ZNF44: variants seen among roughly 807,000 people sequenced by gnomAD.
ZNF44 encodes the protein gonadotropin inducible transcription repressor-2.
A neutral mutation model predicts 11.7 loss-of-function variants in ZNF44; 9 were observed. The observed-to-expected ratio is 0.77, with a 90% CI of 0.46 to 1.35. The LOEUF (loss-of-function observed/expected upper bound fraction) is 1.35, where lower values mean the gene tolerates loss of function less well. Ranked by LOEUF, ZNF44 falls within the 40% of genes most tolerant of loss-of-function variation. ZNF44 has a pLI of 0.00. For missense variants in ZNF44, 696 were observed against 743.1 expected (o/e 0.94, Z 0.74); for synonymous variants, 224 against 242.7 (o/e 0.92, Z 0.72).
At position 12,272,342 on chromosome 19, in the gene ZNF44, G is replaced by A; in HGVS notation, c.*65C>T. On this transcript the variant is annotated 3_prime_UTR_variant, in exon 4 of 4. Coordinates refer to ENST00000355684, the MANE Select transcript of ZNF44 (RefSeq NM_016264.4). ...GGCTTTACCACGTTTACATTCACAGGATTTATTTCTTTCAAGTATCTGAAT... is the reference window on the plus strand; with the variant it reads ...GGCTTTACCACGTTTACATTCACAGAATTTATTTCTTTCAAGTATCTGAAT... 6.9e-7 allele frequency: 1 copy of A among 1,447,272 alleles called. No homozygotes were observed. The highest frequency in any genetic ancestry group is 1.6e-5 in the South Asian group (1 of 63,728). 89.7% of individuals were successfully genotyped at this position (1,447,272 alleles called of 1,614,324 possible).
downstream of ZNF44, among the ~76,000 whole-genome samples, chr19:12,269,817 T>TATA (rs1302314180): frequency 5.3e-5 from 8 of 152,162 alleles, no homozygotes; most frequent in Admixed American, 1.3e-4. Flanking sequence ...CCACCAAAGT[T>TATA]GTATATATAT....
chr19:12,273,073 T>C lies in ZNF44; in HGVS notation c.1182A>G (p.Lys394=). ...CAAAGGCTTTCCCACATACTGTGCATTTATGAGGGCCATCTCCAGTGTGTG... is the reference window on the plus strand; with the variant it reads ...CAAAGGCTTTCCCACATACTGTGCACTTATGAGGGCCATCTCCAGTGTGTG... ...MMAHTGDGPH[K]CTVCGKAFDS... Residue 394 remains lysine (K), a synonymous_variant, in exon 4 of 4, where the codon AAA becomes AAG. Transcript: ENST00000355684. 1 of 1,613,976 alleles carries C rather than the reference T, an allele frequency of 6.2e-7. No homozygotes were observed. Among genetic ancestry groups the C allele is most frequent in the Non-Finnish European group, 8.5e-7 (1 of 1,179,940 alleles).
At position 12,249,507 on chromosome 19, in the gene ZNF44, GA is replaced by G. The variant is rs958860050; in HGVS notation, c.*186+470del. On this transcript the variant is annotated intron_variant and NMD_transcript_variant, in intron 7 of 7. Transcript: ENST00000393337. ...GGCGACAGAGCAAGACTCCGTCTCA[GA>G]AAAAAAAAAAAAAAAAAGAAAAGAA... is the stretch of plus-strand genomic sequence containing the variant. Among the ~76,000 whole-genome samples the G allele has an allele frequency of 3.3e-3, 201 of 60,748 alleles. 1 individual carries two copies. Among genetic ancestry groups the G allele is most frequent in the Middle Eastern group, 0.011 (1 of 88 alleles). The allele number at this position is 60,748 out of a possible 152,430, so 39.9% of individuals were successfully genotyped here. A position where few individuals can be genotyped will look rare whatever the true frequency, so the allele number is the denominator to read the frequency against.
intron 1 of ZNF44, 22 bp downstream of exon 1, chr19:12,294,670 A>G: frequency 7.1e-6 from 11 of 1,558,198 alleles, no homozygotes; most frequent in Non-Finnish European, 9.5e-6. Context: ...CTGCCTCAGG[A>G]CGCCGGGCCC....
chr19:12,248,351 G>C (rs1470488827), exon 8 of ZNF44: 3 of 1,292,454 alleles, frequency 2.3e-6, no homozygotes, highest in Non-Finnish European at 3.0e-6. Context: ...CTTTCCCACA[G>C]GCCTTACATT....
At chr19:12,239,567 C>CCT (rs1599489497), upstream of ZNF44, among the ~76,000 whole-genome samples, 1 of 123,646 alleles carries the variant, frequency 8.1e-6, no homozygotes, top group African/African-American at 3.5e-5. Flanking sequence ...GCCCAAGTTG[C>CCT]ATTTTTTTTT....
chr19:12,250,305 G>A (rs763654664), exon 6 of ZNF44: 6 of 1,366,950 alleles, frequency 4.4e-6, no homozygotes, highest in Non-Finnish European at 5.9e-6. Context: ...TTCTGTGAAG[G>A]ATCCAGCAAA....
intron 2 of ZNF44, among the ~76,000 whole-genome samples, chr19:12,233,503 G>C (rs1331382088): frequency 2.9e-5 from 4 of 135,692 alleles, no homozygotes; most frequent in African/African-American, 1.1e-4. Context: ...AGAAGGTTCA[G>C]TATGTTATCA....
At chr19:12,238,431 C>G (rs1160497849), upstream of ZNF44, among the ~76,000 whole-genome samples, 1 of 151,996 alleles carries the variant, frequency 6.6e-6, no homozygotes, top group Non-Finnish European at 1.5e-5. Flanking sequence ...TCAAGACTAT[C>G]CTGGCCAACA....
At chr19:12,282,421 C>CTTTTTTTT (rs59865823) in intron 1 of ZNF44, among the ~76,000 whole-genome samples, 3 of 126,238 alleles carry the variant, frequency 2.4e-5, no homozygotes, top group African/African-American at 9.3e-5. Flanking sequence ...GAGAAGTCTT[C>CTTTTTTTT]TTTTTTTTTT....
Position 12,272,197 on chromosome 19 carries a change from G to A in ZNF44, c.*210C>T. 1.4e-6 allele frequency: 1 copy of A among 717,698 alleles called. No individual in the cohort carries two copies. The highest frequency in any genetic ancestry group is 1.9e-6 in the Non-Finnish European group (1 of 517,022). The allele number at this position is 717,698 out of a possible 1,614,324, so 44.5% of individuals were successfully genotyped here. A position where few individuals can be genotyped will look rare whatever the true frequency, so the allele number is the denominator to read the frequency against. On this transcript the variant is annotated 3_prime_UTR_variant, in exon 4 of 4. Transcript: ENST00000355684. ...TTTTCCGTATTTTTAGTAGAGACAGGGTTTCCCATGTTAGCCAGGCTGGTC... is the reference window on the plus strand; with the variant it reads ...TTTTCCGTATTTTTAGTAGAGACAGAGTTTCCCATGTTAGCCAGGCTGGTC...
At chr19:12,285,944 G>A (rs1031891091) in intron 1 of ZNF44, among the ~76,000 whole-genome samples, 2 of 149,694 alleles carry the variant, frequency 1.3e-5, no homozygotes, top group African/African-American at 2.5e-5. Flanking sequence ...GCGTGAACCC[G>A]GGGGTCAGAG....
chr19:12,260,773 T>C (rs1917476781), intron 5 of ZNF44, among the ~76,000 whole-genome samples: 1 of 152,072 alleles, frequency 6.6e-6, no homozygotes, highest in Non-Finnish European at 1.5e-5. Context: ...GAACCAGACT[T>C]GGTAGGGCTC....
intron 5 of ZNF44, among the ~76,000 whole-genome samples, chr19:12,258,481 G>A (rs1917362460): frequency 6.6e-6 from 1 of 152,034 alleles, no homozygotes; most frequent in Admixed American, 6.6e-5. Context: ...TAATTGGGGA[G>A]TAAGTTTCAT....
At chr19:12,261,417 T>A (rs1917501415) in intron 5 of ZNF44, among the ~76,000 whole-genome samples, 1 of 152,216 alleles carries the variant, frequency 6.6e-6, no homozygotes, top group African/African-American at 2.4e-5. Flanking sequence ...GAGGATCGCT[T>A]GAGCCCAGGA....
At chr19:12,281,104 T>C (rs899475796) in intron 1 of ZNF44, among the ~76,000 whole-genome samples, 5 of 152,174 alleles carry the variant, frequency 3.3e-5, no homozygotes, top group Admixed American at 2.6e-4. Flanking sequence ...CTGGATTTAA[T>C]TGAAACATAT....
intron 1 of ZNF44, chr19:12,237,254 G>T (rs1916427468): frequency 6.6e-6 from 1 of 152,342 alleles, no homozygotes; most frequent in Admixed American, 6.5e-5. Context: ...TGAGGCTGCA[G>T]TTGCTGCGCA....
intron 1 of ZNF44, among the ~76,000 whole-genome samples, chr19:12,276,652 A>G (rs557049020): frequency 7.2e-5 from 11 of 152,316 alleles, no homozygotes; most frequent in South Asian, 2.1e-4. Flanking sequence ...AGTGTACCCA[A>G]TCAGCCACTG....
chr19:12,246,763 C>T (rs1916776635), downstream of ZNF44, among the ~76,000 whole-genome samples: 2 of 152,098 alleles, frequency 1.3e-5, no homozygotes, highest in South Asian at 2.1e-4. Flanking sequence ...ACGCAGCACA[C>T]ATCTGTAGTC....
Sources: gnomAD v4.1 joint callset for allele counts (sites outside exome capture counted in the v4.1 genomes callset) on GRCh38, gnomAD v4.1.1 for gene constraint, MANE v1.5 for transcripts, NCBI Gene and HGNC (gene_info 2026-07-23, HGNC 2026-07-21) for gene names.